PRKN: variants seen among roughly 807,000 people sequenced by gnomAD.
PRKN encodes the protein E3 ubiquitin-protein ligase parkin.
PRKN carries 56 observed loss-of-function variants against 59.5 expected under a neutral mutation model. That is an observed-to-expected ratio of 0.94 (90% CI 0.76 to 1.18). The LOEUF is 1.18. Among genes scored for constraint, PRKN ranks in the 50% most tolerant of loss-of-function variants. The pLI is 0.00. For synonymous variants in PRKN, 250 were observed against 222.1 expected, an observed-to-expected ratio of 1.13 and a Z score of -1.12; for missense variants, 657 against 596.4, an observed-to-expected ratio of 1.10 and a Z score of -1.06.
chr6:162,203,699 C>A (rs1360325230), intron 3 of PRKN, among the ~76,000 whole-genome samples: 1 of 152,148 alleles, frequency 6.6e-6, no homozygotes, highest in Non-Finnish European at 1.5e-5. Context: ...CAAAAATGAC[C>A]TGAGAAACCT....
chr6:162,516,606 G>A (rs553713801), intron 1 of PRKN, among the ~76,000 whole-genome samples: 2 of 151,982 alleles, frequency 1.3e-5, no homozygotes, highest in East Asian at 3.9e-4. Context: ...ACAAAAATTA[G>A]CTGAGCATGG....
chr6:162,143,472 C>A (rs180913964), intron 4 of PRKN, among the ~76,000 whole-genome samples: 1 of 151,994 alleles, frequency 6.6e-6, no homozygotes, highest in African/African-American at 2.4e-5. Context: ...TGATACATGG[C>A]GGCTTTAGAC....
chr6:162,327,817 T>G (rs1783363788), intron 2 of PRKN, among the ~76,000 whole-genome samples: 1 of 152,124 alleles, frequency 6.6e-6, no homozygotes, highest in African/African-American at 2.4e-5. Context: ...AAGCTCATGG[T>G]CTCCAAGGTC....
intron 1 of PRKN, among the ~76,000 whole-genome samples, chr6:162,545,349 C>G (rs1779078577): frequency 1.3e-5 from 2 of 152,066 alleles, no homozygotes; most frequent in Admixed American, 6.6e-5. Flanking sequence ...CATCCAGTAT[C>G]AGGCTTAAGT....
intron 6 of PRKN, among the ~76,000 whole-genome samples, chr6:161,894,394 G>A (rs1247001446): frequency 6.6e-6 from 1 of 152,128 alleles, no homozygotes; most frequent in African/African-American, 2.4e-5. Flanking sequence ...AATCATAGCT[G>A]TAAAAACATT....
intron 1 of PRKN, among the ~76,000 whole-genome samples, chr6:162,567,298 G>A (rs893748318): frequency 1.3e-5 from 2 of 152,060 alleles, no homozygotes; most frequent in Non-Finnish European, 2.9e-5. Flanking sequence ...AGAAATAAAA[G>A]GCATCCAAAT....
chr6:162,066,689 G>T (rs1038004956), intron 4 of PRKN, among the ~76,000 whole-genome samples: 12 of 152,182 alleles, frequency 7.9e-5, no homozygotes, highest in African/African-American at 2.9e-4. Context: ...GCCTTGACCT[G>T]CTGGGGCCTT....
intron 6 of PRKN, among the ~76,000 whole-genome samples, 164 bp from the exon 7 acceptor site, chr6:161,786,072 A>C (rs1305392384): frequency 6.6e-6 from 1 of 152,216 alleles, no homozygotes; most frequent in Non-Finnish European, 1.5e-5. Context: ...ACAACATCTT[A>C]AAAATTGGAG....
chr6:162,165,904 C>T (rs528150617), intron 4 of PRKN, among the ~76,000 whole-genome samples: 3 of 151,824 alleles, frequency 2.0e-5, no homozygotes, highest in Middle Eastern at 3.4e-3. Context: ...AAAAATTAGC[C>T]GGGTGTGGTG....
intron 5 of PRKN, among the ~76,000 whole-genome samples, chr6:162,045,219 A>G (rs935917270): frequency 1.3e-5 from 2 of 152,196 alleles, no homozygotes; most frequent in African/African-American, 4.8e-5. Flanking sequence ...CAACAAATCA[A>G]TGTGTTATAA....
chr6:161,843,357 T>C (rs1271008373), intron 6 of PRKN, among the ~76,000 whole-genome samples: 1 of 152,258 alleles, frequency 6.6e-6, no homozygotes, highest in East Asian at 1.9e-4. Context: ...GGTCAAATTA[T>C]TCTTATCTGA....
intron 1 of PRKN, among the ~76,000 whole-genome samples, chr6:162,544,957 G>A (rs1307150030): frequency 1.3e-5 from 2 of 150,258 alleles, no homozygotes; most frequent in Non-Finnish European, 1.5e-5. Context: ...GATTACAGGT[G>A]TGAGCCACCG....
chr6:162,066,697 C>G (rs1778354250), intron 4 of PRKN, among the ~76,000 whole-genome samples: 1 of 152,166 alleles, frequency 6.6e-6, no homozygotes, highest in Non-Finnish European at 1.5e-5. Context: ...CTGCTGGGGC[C>G]TTGATCCAGA....
intron 4 of PRKN, among the ~76,000 whole-genome samples, chr6:162,097,418 A>G (rs530775539): frequency 6.6e-6 from 1 of 152,300 alleles, no homozygotes; most frequent in Admixed American, 6.5e-5. Flanking sequence ...TGGATGACCG[A>G]AGGCTTAGAA....
At chr6:162,694,073 C>T (rs1777879466) in intron 1 of PRKN, among the ~76,000 whole-genome samples, 1 of 151,810 alleles carries the variant, frequency 6.6e-6, no homozygotes. Context: ...CGGTGAAACC[C>T]CGTATCTACT....
chr6:162,194,378 G>A (rs1318541098), intron 4 of PRKN, among the ~76,000 whole-genome samples: 7 of 152,136 alleles, frequency 4.6e-5, no homozygotes, highest in African/African-American at 1.7e-4. Context: ...CAGCAAAATA[G>A]TAAGTGAGAA....
intron 9 of PRKN, among the ~76,000 whole-genome samples, chr6:161,412,711 C>T: frequency 6.6e-6 from 1 of 151,660 alleles, no homozygotes; most frequent in Non-Finnish European, 1.5e-5. Flanking sequence ...TCATTCCTTC[C>T]TCACTCATTC....
intron 1 of PRKN, among the ~76,000 whole-genome samples, chr6:162,575,481 T>C (rs965300825): frequency 1.3e-5 from 2 of 152,186 alleles, no homozygotes; most frequent in African/African-American, 4.8e-5. Context: ...ACATGCCGCT[T>C]TTCCTCCGTA....
chr6:162,452,758 A>T (rs1197810943), intron 1 of PRKN, among the ~76,000 whole-genome samples: 1 of 152,064 alleles, frequency 6.6e-6, no homozygotes, highest in African/African-American at 2.4e-5. Flanking sequence ...TAATTACATT[A>T]AATTTTAATG....
Sources: gnomAD v4.1 joint callset for allele counts (sites outside exome capture counted in the v4.1 genomes callset) on GRCh38, gnomAD v4.1.1 for gene constraint, MANE v1.5 for transcripts, NCBI Gene and HGNC (gene_info 2026-07-23, HGNC 2026-07-21) for gene names.